The following GRID2 variants were observed in gnomAD, a reference collection of about 807,000 sequenced individuals.
GRID2 encodes the protein glutamate ionotropic receptor delta type subunit 2.
A neutral mutation model predicts 114.8 loss-of-function variants in GRID2; 33 were observed. That is an observed-to-expected ratio of 0.29 (90% CI 0.22 to 0.38). The LOEUF (loss-of-function observed/expected upper bound fraction) is 0.38. Ranked by LOEUF, GRID2 falls within the 10% of genes least tolerant of loss-of-function variation. The probability of loss-of-function intolerance (pLI) is 1.00; values close to 1 mark genes in which losing one functional copy is unlikely to be tolerated. For missense variants in GRID2, 1,184 were observed against 1,257.7 expected (o/e 0.94, Z 0.89); for synonymous variants, 505 against 449.9 (o/e 1.12, Z -1.55).
rs574015154 is a variant in GRID2 at position 92,618,800 on chromosome 4, G to A, written c.244+28514G>A. On this transcript the variant is annotated intron_variant, in intron 2 of 15. Transcript: ENST00000282020. ...ATTACTTTTGTATCTCCTGTTAGTG[G>A]GATTATGGTTTTTATTTATTTTTCA... Among the ~76,000 whole-genome samples the A allele has an allele frequency of 1.1e-4, 16 of 151,644 alleles. No individual in the cohort carries two copies. In the South Asian group the frequency reaches 2.7e-3, roughly 26 times the overall value.
At chr4:93,695,058 C>G (rs944932868) in intron 14 of GRID2, among the ~76,000 whole-genome samples, 3 of 151,790 alleles carry the variant, frequency 2.0e-5, no homozygotes, top group Non-Finnish European at 4.4e-5. Flanking sequence ...TTAGTCCCAG[C>G]TACCTAGGAG....
chr4:93,701,635 A>G (rs951865717), intron 14 of GRID2, among the ~76,000 whole-genome samples: 5 of 152,068 alleles, frequency 3.3e-5, no homozygotes, highest in Non-Finnish European at 7.4e-5. Context: ...GTTCAAGAAC[A>G]TTAACTTTTT....
At chr4:93,269,278 C>G (rs1050670248) in intron 8 of GRID2, among the ~76,000 whole-genome samples, 1 of 151,930 alleles carries the variant, frequency 6.6e-6, no homozygotes, top group South Asian at 2.1e-4. Context: ...AAATCAGAGT[C>G]TAGAAATAGG....
chr4:93,650,419 C>T (rs951960917), intron 14 of GRID2, among the ~76,000 whole-genome samples: 1 of 151,852 alleles, frequency 6.6e-6, no homozygotes, highest in African/African-American at 2.4e-5. Context: ...AGTTGAGCAA[C>T]CTCTGTCAAT....
intron 4 of GRID2, among the ~76,000 whole-genome samples, chr4:93,170,411 T>A (rs1045599811): frequency 6.6e-6 from 1 of 152,010 alleles, no homozygotes; most frequent in Admixed American, 6.6e-5. Context: ...TAATAAACAA[T>A]GGAATCCAGT....
rs577451893 is a variant in GRID2 at position 92,578,128 on chromosome 4, A to C, written c.89-12003A>C. 1.4e-3 allele frequency among the ~76,000 whole-genome samples: 188 copies of C among 132,812 alleles called. 2 individuals carry two copies. Among genetic ancestry groups the C allele is most frequent in the Non-Finnish European group, 2.4e-3 (149 of 63,262 alleles). The allele number at this position is 132,812 out of a possible 152,430, so 87.1% of individuals were successfully genotyped here. On this transcript the variant is annotated intron_variant, in intron 1 of 15. Coordinates refer to ENST00000282020, the MANE Select transcript of GRID2 (RefSeq NM_001510.4). ...TCTTCTTCTTCTTTTTCTTATTATT[A>C]TTATTACACTTTAAGTTTTAGGGTA...
At chr4:93,094,089 A>G (rs1220961535) in intron 3 of GRID2, among the ~76,000 whole-genome samples, 4 of 152,056 alleles carry the variant, frequency 2.6e-5, no homozygotes, top group Admixed American at 1.3e-4. Context: ...AGGCCTTCCA[A>G]TATTTCCAAG....
At chr4:92,889,388 G>T (rs990752456) in intron 2 of GRID2, among the ~76,000 whole-genome samples, 1 of 151,980 alleles carries the variant, frequency 6.6e-6, no homozygotes, top group Admixed American at 6.6e-5. Flanking sequence ...TCTCAGCCCA[G>T]AAACTCCTTA....
chr4:92,466,240 T>C (rs1037141919), intron 1 of GRID2, among the ~76,000 whole-genome samples: 2 of 151,916 alleles, frequency 1.3e-5, no homozygotes, highest in Admixed American at 6.6e-5. Flanking sequence ...GCATTCAATA[T>C]ACACTCACTA....
At chr4:93,677,797 A>G (rs988075824) in intron 14 of GRID2, among the ~76,000 whole-genome samples, 4 of 152,200 alleles carry the variant, frequency 2.6e-5, no homozygotes, top group African/African-American at 7.2e-5. Flanking sequence ...CCAGCATCAA[A>G]GACCAAAAGT....
At chr4:93,118,320 A>G (rs1428501009) in intron 4 of GRID2, among the ~76,000 whole-genome samples, 1 of 152,190 alleles carries the variant, frequency 6.6e-6, no homozygotes, top group African/African-American at 2.4e-5. Context: ...TCTGGGAGTC[A>G]TCTCCTTTAA....
At chr4:93,131,997 C>T (rs1388148118) in intron 4 of GRID2, among the ~76,000 whole-genome samples, 1 of 152,044 alleles carries the variant, frequency 6.6e-6, no homozygotes, top group African/African-American at 2.4e-5. Flanking sequence ...TTTATTCCCA[C>T]CTCAATCCAT....
intron 8 of GRID2, among the ~76,000 whole-genome samples, chr4:93,249,810 C>T (rs938270514): frequency 3.3e-5 from 5 of 151,560 alleles, no homozygotes; most frequent in Admixed American, 1.3e-4. Context: ...ATCTCATGCC[C>T]GTTAGAATGG....
intron 2 of GRID2, among the ~76,000 whole-genome samples, chr4:92,666,098 A>T (rs1732760359): frequency 6.6e-6 from 1 of 151,344 alleles, no homozygotes; most frequent in Non-Finnish European, 1.5e-5. Flanking sequence ...CACTTTCTTC[A>T]GTCATTTTTT....
intron 8 of GRID2, among the ~76,000 whole-genome samples, chr4:93,280,327 T>G (rs1411786201): frequency 6.6e-6 from 1 of 151,978 alleles, no homozygotes; most frequent in Non-Finnish European, 1.5e-5. Flanking sequence ...TATTTCTAGT[T>G]TAATGCATTA....
chr4:92,423,348 G>A (rs1731997837), intron 1 of GRID2, among the ~76,000 whole-genome samples: 1 of 152,116 alleles, frequency 6.6e-6, no homozygotes, highest in South Asian at 2.1e-4. Flanking sequence ...GTGAGTTTAG[G>A]AGATAAATTA....
chr4:92,876,969 T>C (rs556395803), intron 2 of GRID2, among the ~76,000 whole-genome samples: 1 of 152,358 alleles, frequency 6.6e-6, no homozygotes, highest in African/African-American at 2.4e-5. Flanking sequence ...ATTGTATTTT[T>C]TAAAGTAAAG....
At chr4:93,602,745 G>T (rs901598805) in intron 13 of GRID2, among the ~76,000 whole-genome samples, 1 of 152,148 alleles carries the variant, frequency 6.6e-6, no homozygotes, top group African/African-American at 2.4e-5. Context: ...ACCTACAATG[G>T]TCTCTAAGTG....
Position 93,769,277 on chromosome 4 carries a change from C to A in GRID2, c.2428C>A (p.Gln810Lys). 6 of 1,613,990 alleles carry A rather than the reference C, an allele frequency of 3.7e-6. No homozygotes were observed. Among genetic ancestry groups the A allele is most frequent in the Non-Finnish European group, 5.1e-6 (6 of 1,179,868 alleles). ...LKHKWWPKNG[Q>K]CDLYSSVDTK... ...GCACAAATGGTGGCCTAAGAATGGCCAGTGTGACCTGTACTCGTCAGTGGA... is the reference window on the plus strand; with the variant it reads ...GCACAAATGGTGGCCTAAGAATGGCAAGTGTGACCTGTACTCGTCAGTGGA... The change falls in exon 15 of 16, where the codon CAG becomes AAG. Residue 810 changes from glutamine (Q) to lysine (K), a missense_variant. Transcript: ENST00000282020.
Sources: allele counts gnomAD v4.1 joint callset (sites outside exome capture counted in the v4.1 genomes callset), GRCh38; gene constraint gnomAD v4.1.1; transcripts MANE v1.5; gene names NCBI Gene and HGNC (gene_info 2026-07-23, HGNC 2026-07-21).